Variants in AFAP1 observed in about 807,000 individuals in gnomAD.
AFAP1 encodes the protein actin filament-associated protein 1.
AFAP1 carries 75 observed loss-of-function variants against 93.9 expected under a neutral mutation model. The observed-to-expected ratio is 0.80, with a 90% CI of 0.66 to 0.97. AFAP1 has a LOEUF of 0.97. AFAP1 is among the 50% of genes least tolerant of loss of function. The pLI is 0.00. For synonymous variants in AFAP1, 517 were observed against 430.7 expected (o/e 1.20, Z -2.48); for missense variants, 1,201 against 1,050.8 (o/e 1.14, Z -1.98).
At chr4:7,837,336 G>A (rs777985609) in intron 6 of AFAP1, among the ~76,000 whole-genome samples, 18 of 152,296 alleles carry the variant, frequency 1.2e-4, no homozygotes, top group Middle Eastern at 3.4e-3. Context: ...AGGTGACTAG[G>A]TCATGAGGGC....
chr4:7,830,470 A>C (rs1721790885), intron 6 of AFAP1, among the ~76,000 whole-genome samples: 1 of 152,258 alleles, frequency 6.6e-6, no homozygotes, highest in South Asian at 2.1e-4. Context: ...CATCAGAAGC[A>C]GATAATTCTG....
chr4:7,774,809 G>C lies in AFAP1; in HGVS notation c.1992C>G (p.Ala664=). The change falls in exon 15 of 18, where the codon GCC becomes GCG. Residue 664 remains alanine (A), a synonymous_variant. Coordinates refer to ENST00000420658, the MANE Select transcript of AFAP1 (RefSeq NM_001134647.2). ...GGAGCTGGGCCAGCCTATTCCGCAG[G>C]GCCTCTTTCCTCTTCAGCAGCTCCT... The part of the protein sequence containing the change: ...KEEELLKRKE[A]LRNRLAQLRK... The C allele has an allele frequency of 6.2e-7, 1 of 1,614,178 alleles. No individual in the cohort carries two copies. Among genetic ancestry groups the C allele is most frequent in the Non-Finnish European group, 8.5e-7 (1 of 1,180,046 alleles).
In AFAP1 at chr4:7,774,833, C is replaced by T. The variant is rs753486108; in HGVS notation, c.1968G>A (p.Glu656=). 14 of 1,614,212 alleles carry T rather than the reference C, an allele frequency of 8.7e-6. No individual in the cohort carries two copies. Among genetic ancestry groups the T allele is most frequent in the Non-Finnish European group, 1.1e-5 (13 of 1,180,040 alleles). ...ADAKRLQTKE[E]ELLKRKEALR... ...GGGCCTCTTTCCTCTTCAGCAGCTC[C>T]TCCTCTTTGGTCTGTAGCCGCTTGG... The change falls in exon 15 of 18, where the codon GAG becomes GAA. Residue 656 remains glutamate, a synonymous_variant. Coordinates refer to ENST00000420658, the MANE Select transcript of AFAP1 (RefSeq NM_001134647.2).
At chr4:7,908,842 A>T (rs1403665029) in intron 1 of AFAP1, among the ~76,000 whole-genome samples, 2 of 152,200 alleles carry the variant, frequency 1.3e-5, no homozygotes, top group African/African-American at 4.8e-5. Flanking sequence ...CCTCCAAAGA[A>T]GCTAATGAAG....
chr4:7,785,136 C>T lies in AFAP1; in HGVS notation c.1530+1058G>A, dbSNP rs1045062755. ...TAACTGTGAAGGCCTCATCTCTGAA[C>T]GCCCAGGGCCGGGCACCGTGCCTGG... On this transcript the variant is annotated intron_variant, in intron 12 of 17. Transcript: ENST00000420658. Among the ~76,000 whole-genome samples the T allele has an allele frequency of 3.3e-5, 5 of 152,266 alleles. No homozygotes were observed. In the East Asian group the frequency reaches 5.8e-4, roughly 18 times the overall value.
chr4:7,829,151 T>C (rs988570333), intron 6 of AFAP1, among the ~76,000 whole-genome samples: 2 of 152,238 alleles, frequency 1.3e-5, no homozygotes, highest in African/African-American at 2.4e-5. Context: ...CCCAGCCATG[T>C]GGAACTGTGA....
Position 7,843,304 on chromosome 4 carries a change from T to C in AFAP1, c.381A>G (p.Glu127=), listed in dbSNP as rs771347323. The C allele has an allele frequency of 6.2e-7, 1 of 1,614,082 alleles. No homozygotes were observed. The highest frequency in any genetic ancestry group is 1.1e-5 in the South Asian group (1 of 91,056). ...AMSSSYESYD[E]EEEDGKGKKT... is the part of the protein sequence containing the mutation. The stretch of plus-strand genomic sequence containing the variant: ...TCTTCCCCTTCCCATCCTCCTCCTC[T>C]TCATCATACGACTCATAAGAGCTGC... Residue 127 remains glutamate (E), a synonymous_variant, in exon 5 of 18, where the codon GAA becomes GAG. Transcript: ENST00000420658.
At chr4:7,773,372 C>T (rs16841175) in intron 15 of AFAP1, 54,373 of 219,494 alleles carry the variant, frequency 0.25, 7,282 homozygotes, top group East Asian at 0.49. Flanking sequence ...CCTCCCCTAA[C>T]GCTCCGCCGA....
intron 11 of AFAP1, 51 bp from the exon 12 acceptor site, chr4:7,786,362 C>T (rs1577205620): frequency 1.4e-6 from 2 of 1,460,368 alleles, no homozygotes. Context: ...CCTTTTACTC[C>T]AATCAGTCAA....
rs1717698380 is a variant in AFAP1 at position 7,789,812 on chromosome 4, T to G, written c.1413-3501A>C. Among the ~76,000 whole-genome samples the G allele has an allele frequency of 2.0e-5, 3 of 152,226 alleles. No individual in the cohort carries two copies. The South Asian group carries it at 6.2e-4, about 32-fold the overall frequency. On this transcript the variant is annotated intron_variant, in intron 11 of 17. Transcript: ENST00000420658. ...CCCCTGCTTTCCGTTCTCTTCATCC[T>G]CCCAACTGCTTCCTGAGGGGCTCCC...
rs189989076 is a variant in AFAP1, at chr4:7,795,576, C to G, written c.1267-1750G>C. On this transcript the variant is annotated intron_variant, in intron 10 of 17. Coordinates refer to ENST00000420658, the MANE Select transcript of AFAP1 (RefSeq NM_001134647.2). ...AGTAGCTGGGACTACAGGTGCCCAC[C>G]ACCACGCCCGGATAATTTTTTGTAT... Among the ~76,000 whole-genome samples the G allele has an allele frequency of 2.8e-4, 42 of 151,858 alleles. No individual in the cohort carries two copies. The Middle Eastern group carries it at 0.01, about 37-fold the overall frequency.
intron 10 of AFAP1, among the ~76,000 whole-genome samples, chr4:7,799,465 G>T (rs1288528932): frequency 6.6e-6 from 1 of 152,162 alleles, no homozygotes; most frequent in Non-Finnish European, 1.5e-5. Flanking sequence ...CTCCTCTGCC[G>T]ATGAGTGTCA....
At chr4:7,892,046 T>C (rs1476602503) in intron 1 of AFAP1, among the ~76,000 whole-genome samples, 1 of 151,790 alleles carries the variant, frequency 6.6e-6, no homozygotes, top group Non-Finnish European at 1.5e-5. Flanking sequence ...AAGAACAAAA[T>C]TCCGACTCAA....
intron 6 of AFAP1, among the ~76,000 whole-genome samples, chr4:7,833,212 C>A (rs1711840467): frequency 6.6e-6 from 1 of 152,152 alleles, no homozygotes; most frequent in African/African-American, 2.4e-5. Context: ...AGTAAACAGA[C>A]AACCCACAGA....
intron 1 of AFAP1, among the ~76,000 whole-genome samples, chr4:7,883,878 T>C (rs1037198179): frequency 1.3e-5 from 2 of 152,206 alleles, no homozygotes; most frequent in Non-Finnish European, 2.9e-5. Flanking sequence ...CAAAAAGATG[T>C]CAATTCTCCC....
In AFAP1 at chr4:7,760,199, G is replaced by GAAAC. The variant is rs1713586566; in HGVS notation, c.*3562_*3565dup. 3 of 152,198 alleles carry GAAAC rather than the reference G, an allele frequency of 2.0e-5. No individual in the cohort carries two copies. The highest frequency in any genetic ancestry group is 1.9e-4 in the East Asian group (1 of 5,194). The allele number at this position is 152,198 out of a possible 1,614,324, so 9.4% of individuals were successfully genotyped here. ...CTCCAGAGCTGAGGCCACACTTTTT[G>GAAAC]AAACAGACTTTTCAAAAGGAGTAAA... On this transcript the variant is annotated 3_prime_UTR_variant, in exon 18 of 18. Coordinates refer to ENST00000420658, the MANE Select transcript of AFAP1 (RefSeq NM_001134647.2).
intron 8 of AFAP1, among the ~76,000 whole-genome samples, chr4:7,811,810 G>C (rs77206124): frequency 0.034 from 5,172 of 152,158 alleles, 299 homozygotes; most frequent in African/African-American, 0.12. Flanking sequence ...TTTCAGCCAC[G>C]CAGTCTGTGG....
chr4:7,799,328 C>G (rs1032967517), intron 10 of AFAP1, among the ~76,000 whole-genome samples: 1 of 147,726 alleles, frequency 6.8e-6, no homozygotes, highest in African/African-American at 2.5e-5. Context: ...TTTTCATCCC[C>G]ACCAAAAAAA....
intron 8 of AFAP1, among the ~76,000 whole-genome samples, chr4:7,812,315 C>T (rs1286344793): frequency 6.6e-6 from 1 of 152,056 alleles, no homozygotes; most frequent in East Asian, 1.9e-4. Flanking sequence ...GAAAATGCAG[C>T]TCATCGCGGT....
Sources: allele counts gnomAD v4.1 joint callset (sites outside exome capture counted in the v4.1 genomes callset), GRCh38; gene constraint gnomAD v4.1.1; transcripts MANE v1.5; gene names NCBI Gene and HGNC (gene_info 2026-07-23, HGNC 2026-07-21).